ADAM32: variants seen among roughly 807,000 people sequenced by gnomAD.
ADAM32 encodes the protein ADAM metallopeptidase domain 32, also known as disintegrin and metalloproteinase domain-containing protein 32.
ADAM32 carries 89 observed loss-of-function variants against 114.9 expected under a neutral mutation model. The observed-to-expected ratio is 0.77, with a 90% CI of 0.65 to 0.92. The LOEUF is 0.92. ADAM32 is among the 40% of genes least tolerant of loss of function. ADAM32 has a pLI of 0.00. For synonymous variants in ADAM32, 285 were observed against 307.5 expected (o/e 0.93, Z 0.77); for missense variants, 870 against 932.8 (o/e 0.93, Z 0.88).
At position 39,240,305 on chromosome 8, in the gene ADAM32, A is replaced by G. The variant is rs189712900; in HGVS notation, c.1819-5778A>G. Among the ~76,000 whole-genome samples, 488 of 152,366 alleles carry G rather than the reference A, an allele frequency of 3.2e-3. 11 individuals are homozygous for G. The highest frequency in any genetic ancestry group is 0.03 in the Admixed American group (458 of 15,308). On this transcript the variant is annotated intron_variant, in intron 16 of 24. Coordinates refer to ENST00000379907, the MANE Select transcript of ADAM32 (RefSeq NM_145004.7). ...AAACCATCCAAATACATGGAAATTA[A>G]GTAGTCTGCTCCTGAATGATCTTTT...
At chr8:39,210,917 G>A (rs1383231722) in intron 11 of ADAM32, among the ~76,000 whole-genome samples, 1 of 152,128 alleles carries the variant, frequency 6.6e-6, no homozygotes, top group Non-Finnish European at 1.5e-5. Flanking sequence ...ATTACTGTGT[G>A]TGTGTGTGTG....
chr8:39,173,532 G>A (rs1007051032), intron 10 of ADAM32, among the ~76,000 whole-genome samples: 4 of 150,876 alleles, frequency 2.7e-5, no homozygotes, highest in Non-Finnish European at 5.9e-5. Flanking sequence ...TTGTAAATAT[G>A]TTTAAGTTCC....
chr8:39,196,227 T>A (rs1806978092), intron 11 of ADAM32, among the ~76,000 whole-genome samples: 1 of 152,150 alleles, frequency 6.6e-6, no homozygotes, highest in African/African-American at 2.4e-5. Context: ...TGATCAGTTT[T>A]TAGAGTTTTT....
At chr8:39,217,510 G>T (rs1007431859) in intron 12 of ADAM32, among the ~76,000 whole-genome samples, 3 of 151,548 alleles carry the variant, frequency 2.0e-5, no homozygotes, top group Non-Finnish European at 4.4e-5. Flanking sequence ...TGGTCCCTTT[G>T]AGGCTATTTT....
chr8:39,141,949 CTTCT>C (rs1157647762), intron 3 of ADAM32, among the ~76,000 whole-genome samples: 6 of 152,070 alleles, frequency 3.9e-5, no homozygotes, highest in Non-Finnish European at 8.8e-5. Context: ...ATGTAGTGGC[CTTCT>C]TTGTCTCTTT....
At chr8:39,123,895 C>T (rs1026141010) in intron 2 of ADAM32, among the ~76,000 whole-genome samples, 9 of 151,774 alleles carry the variant, frequency 5.9e-5, no homozygotes, top group South Asian at 2.1e-4. Context: ...TTAGTAGAGA[C>T]GGGGTTTCGC....
chr8:39,273,229 G>A (rs143915750), intron 20 of ADAM32, among the ~76,000 whole-genome samples: 35 of 152,210 alleles, frequency 2.3e-4, no homozygotes, highest in African/African-American at 8.4e-4. Context: ...GTATAGGCCT[G>A]GCGCGGTGGC....
Position 39,164,776 on chromosome 8 carries a change from G to A in ADAM32, c.607G>A (p.Gly203Ser), listed in dbSNP as rs746777257. 32 of 1,600,026 alleles carry A rather than the reference G, an allele frequency of 2.0e-5. No homozygotes were observed. The South Asian group carries it at 2.9e-4, about 15-fold the overall frequency. Residue 203 changes from glycine (G) to serine (S), a missense_variant, in exon 8 of 25, where the codon GGC (glycine) becomes AGC (serine). Gly to Ser is a moderately conservative substitution (Grantham distance 56, BLOSUM62 0). Transcript: ENST00000379907. The stretch of plus-strand genomic sequence containing the variant: ...TTCTGTTTTTCAGTATGATTACTGG[G>A]GCTCTGATAGCATGATAGTAACAAA... The part of the protein sequence containing the change: ...VVDKTLYDYW[G>S]SDSMIVTNKV...
intron 2 of ADAM32, among the ~76,000 whole-genome samples, chr8:39,123,477 TA>T (rs1176162024): frequency 2.0e-5 from 3 of 152,178 alleles, no homozygotes; most frequent in African/African-American, 7.2e-5. Flanking sequence ...ATTCAATCCA[TA>T]ACATTCTTCC....
At chr8:39,210,388 C>A (rs1808129922) in intron 11 of ADAM32, among the ~76,000 whole-genome samples, 1 of 152,162 alleles carries the variant, frequency 6.6e-6, no homozygotes, top group Non-Finnish European at 1.5e-5. Flanking sequence ...TTACTGTGAT[C>A]TTTTACCTCA....
intron 14 of ADAM32, chr8:39,223,632 AT>A (rs529117768): frequency 0.4 from 4,951 of 12,526 alleles, 301 homozygotes; most frequent in African/African-American, 0.43. Flanking sequence ...TATAGTTACC[AT>A]TTTTTTTTAT....
At chr8:39,237,832 A>C (rs189589608) in intron 16 of ADAM32, among the ~76,000 whole-genome samples, 3 of 152,254 alleles carry the variant, frequency 2.0e-5, no homozygotes, top group Admixed American at 6.5e-5. Context: ...ACAGTAACTC[A>C]TGGGAGCTCT....
chr8:39,124,455 T>C (rs1304213207), intron 2 of ADAM32, among the ~76,000 whole-genome samples: 2 of 151,312 alleles, frequency 1.3e-5, no homozygotes, highest in African/African-American at 2.4e-5. Context: ...TCTTGCTCTG[T>C]CGACCAGGCT....
intron 10 of ADAM32, among the ~76,000 whole-genome samples, chr8:39,186,264 C>T (rs1166874263): frequency 6.6e-6 from 1 of 152,212 alleles, no homozygotes; most frequent in Non-Finnish European, 1.5e-5. Flanking sequence ...TGCATCATAT[C>T]CTATGCCAGC....
At chr8:39,185,080 C>A (rs1427384662) in intron 10 of ADAM32, among the ~76,000 whole-genome samples, 3 of 152,062 alleles carry the variant, frequency 2.0e-5, no homozygotes, top group Non-Finnish European at 4.4e-5. Context: ...GCCTGGGCAA[C>A]ATGGCAAAAC....
At chr8:39,236,069 A>G (rs552844338) in intron 16 of ADAM32, among the ~76,000 whole-genome samples, 32 of 152,220 alleles carry the variant, frequency 2.1e-4, no homozygotes, top group Non-Finnish European at 4.1e-4. Flanking sequence ...TGAGATTGCC[A>G]TAAATAATGG....
chr8:39,146,441 T>C (rs1803511227), intron 3 of ADAM32, among the ~76,000 whole-genome samples: 1 of 149,648 alleles, frequency 6.7e-6, no homozygotes, highest in Non-Finnish European at 1.5e-5. Context: ...GACGGAATCT[T>C]GCTCTGTCAC....
chr8:39,157,667 A>G (rs1564502263), intron 6 of ADAM32: 3 of 738,026 alleles, frequency 4.1e-6, no homozygotes, highest in African/African-American at 1.7e-5. Context: ...AGTCTTCTCC[A>G]GAGCCTGCTG....
chr8:39,186,850 AT>A, intron 10 of ADAM32, 58 bp from the exon 11 acceptor site: 1 of 1,375,716 alleles, frequency 7.3e-7, no homozygotes, highest in South Asian at 1.5e-5. Context: ...TTAGAAAATT[AT>A]TTTTACCACC....
Sources: gnomAD v4.1 joint callset for allele counts (sites outside exome capture counted in the v4.1 genomes callset) on GRCh38, gnomAD v4.1.1 for gene constraint, MANE v1.5 for transcripts, NCBI Gene and HGNC (gene_info 2026-07-23, HGNC 2026-07-21) for gene names.